Variants in ROBO2 observed in about 807,000 individuals in gnomAD.
The protein encoded by ROBO2 is roundabout guidance receptor 2.
A neutral mutation model predicts 160.8 loss-of-function variants in ROBO2; 53 were observed. The ratio of observed to expected loss-of-function variants is 0.33; its 90% CI spans 0.26 to 0.41. The LOEUF (loss-of-function observed/expected upper bound fraction) is 0.41. ROBO2 is among the 10% of genes least tolerant of loss of function. The probability of loss-of-function intolerance (pLI) is 1.00; values close to 1 mark genes in which losing one functional copy is unlikely to be tolerated. For missense variants in ROBO2, 1,577 were observed against 1,722.4 expected (o/e 0.92, Z 1.49); for synonymous variants, 664 against 611.7 (o/e 1.09, Z -1.26).
At chr3:75,942,947 A>G (rs575445721) in intron 2 of ROBO2, among the ~76,000 whole-genome samples, 1 of 152,286 alleles carries the variant, frequency 6.6e-6, no homozygotes, top group African/African-American at 2.4e-5. Context: ...CATGGGAGAT[A>G]GTAAGAGACG....
rs188135199 is a variant in ROBO2 at position 76,367,416 on chromosome 3, A to T, written c.109+429814A>T. On this transcript the variant is annotated intron_variant, in intron 2 of 26. Coordinates refer to the ROBO2 transcript ENST00000487694. ...TTCTTAATGGCTTTTCCCTAAAAGA[A>T]TTCATGTCAGCAGCAGGATGAGTCC... 2.6e-5 allele frequency among the ~76,000 whole-genome samples: 4 copies of T among 152,102 alleles called. No homozygotes were observed. The East Asian group carries it at 7.8e-4, about 30-fold the overall frequency.
intron 4 of ROBO2, among the ~76,000 whole-genome samples, chr3:77,486,293 C>G (rs149664446): frequency 6.6e-6 from 1 of 151,652 alleles, no homozygotes; most frequent in African/African-American, 2.4e-5. Flanking sequence ...GTATCTACCC[C>G]GTAATAGTAA....
intron 2 of ROBO2, among the ~76,000 whole-genome samples, chr3:77,192,971 T>C (rs983944775): frequency 6.6e-6 from 1 of 152,006 alleles, no homozygotes; most frequent in African/African-American, 2.4e-5. Flanking sequence ...CCATTTTTAA[T>C]ATATACTGTG....
At chr3:77,246,037 G>C (rs1378728861) in intron 2 of ROBO2, among the ~76,000 whole-genome samples, 1 of 152,138 alleles carries the variant, frequency 6.6e-6, no homozygotes, top group Non-Finnish European at 1.5e-5. Flanking sequence ...GAAGTAGATT[G>C]TTTAAATAAC....
At chr3:76,577,525 A>T (rs1032774362) in intron 2 of ROBO2, among the ~76,000 whole-genome samples, 1 of 152,124 alleles carries the variant, frequency 6.6e-6, no homozygotes, top group African/African-American at 2.4e-5. Context: ...TATTGTCTTT[A>T]ATTAACACTG....
chr3:76,784,792 C>T (rs578109550), intron 2 of ROBO2, among the ~76,000 whole-genome samples: 10 of 151,256 alleles, frequency 6.6e-5, no homozygotes, highest in African/African-American at 2.2e-4. Flanking sequence ...TCTGACCTTT[C>T]TTTTTGTTCC....
rs148758885 is a variant in ROBO2, at chr3:77,184,257, G to T, written c.388+85917G>T. Among the ~76,000 whole-genome samples the T allele has an allele frequency of 2.1e-3, 326 of 151,962 alleles. 3 individuals carry two copies. The highest frequency in any genetic ancestry group is 7.6e-3 in the African/African-American group (315 of 41,490). On this transcript the variant is annotated intron_variant, in intron 2 of 25. Transcript: ENST00000461745. ...AAATTCTGAGATTTGTGAAATACTG[G>T]GTCTTTTAAATCAAAAATGCAAAAC...
rs146801636 is a variant in ROBO2 at position 77,538,280 on chromosome 3, G to A, written c.935-8058G>A. On this transcript the variant is annotated intron_variant, in intron 6 of 25. Coordinates refer to ENST00000461745, the Ensembl canonical transcript of ROBO2. ...TGCAAGCTCCGCCTCCCGGGTTCAC[G>A]CCATTCTCCTGCCTCAGCCTCCCGA... is the stretch of plus-strand genomic sequence containing the variant. Among the ~76,000 whole-genome samples, 409 of 144,998 alleles carry A rather than the reference G, an allele frequency of 2.8e-3. 4 individuals are homozygous for A. The highest frequency in any genetic ancestry group is 0.028 in the East Asian group (128 of 4,650).
intron 2 of ROBO2, among the ~76,000 whole-genome samples, chr3:76,748,374 C>A (rs546424634): frequency 6.6e-6 from 1 of 151,418 alleles, no homozygotes; most frequent in Admixed American, 6.6e-5. Flanking sequence ...TATTACCAAG[C>A]CTAAAACTAA....
rs188399309 is a variant in ROBO2, at chr3:77,607,784, G to A, written c.3137-14G>A. On this transcript the variant is annotated splice_polypyrimidine_tract_variant and intron_variant, in intron 20 of 25. Transcript: ENST00000461745. ...CTATTTGGCATCTCTGAATAAATAC[G>A]TTATTACTTTCAGGTGGGAAAGGTG... 113 of 1,611,708 alleles carry A rather than the reference G, an allele frequency of 7.0e-5. No individual in the cohort carries two copies. The highest frequency in any genetic ancestry group is 1.7e-4 in the Middle Eastern group (1 of 6,054).
intron 1 of ROBO2, among the ~76,000 whole-genome samples, chr3:77,061,774 A>G (rs1263468308): frequency 1.3e-5 from 2 of 152,170 alleles, no homozygotes; most frequent in African/African-American, 2.4e-5. Context: ...TGTCTTTAAC[A>G]GGATTACTGA....
intron 2 of ROBO2, among the ~76,000 whole-genome samples, chr3:76,338,752 T>G (rs1176479595): frequency 6.7e-6 from 1 of 150,314 alleles, no homozygotes; most frequent in African/African-American, 2.4e-5. Flanking sequence ...TATAATTATT[T>G]TTATTAATCA....
chr3:76,971,232 T>C (rs989503238), intron 2 of ROBO2, among the ~76,000 whole-genome samples: 18 of 152,166 alleles, frequency 1.2e-4, no homozygotes, highest in Non-Finnish European at 2.5e-4. Context: ...TGCCCAGCAT[T>C]TTCCCTGGGA....
intron 2 of ROBO2, among the ~76,000 whole-genome samples, chr3:77,450,314 A>G (rs551767180): frequency 3.1e-4 from 47 of 152,258 alleles, no homozygotes; most frequent in African/African-American, 1.1e-3. Context: ...GTTTTCTAGT[A>G]AGGGAAGTGA....
intron 2 of ROBO2, among the ~76,000 whole-genome samples, chr3:77,171,817 C>T (rs1300987634): frequency 2.0e-5 from 3 of 152,074 alleles, no homozygotes; most frequent in African/African-American, 4.8e-5. Context: ...TCCATTGCTT[C>T]GGAATTTCAA....
chr3:77,533,678 G>C (rs1013052113), intron 6 of ROBO2, among the ~76,000 whole-genome samples: 3 of 152,136 alleles, frequency 2.0e-5, no homozygotes, highest in Non-Finnish European at 4.4e-5. Context: ...GCTTTGCTTT[G>C]TAGCTCTCCG....
At chr3:76,717,290 A>G (rs1037887882) in intron 2 of ROBO2, among the ~76,000 whole-genome samples, 2 of 151,934 alleles carry the variant, frequency 1.3e-5, no homozygotes, top group African/African-American at 4.8e-5. Context: ...TCAGGAGTTC[A>G]AGACCAGACT....
intron 2 of ROBO2, among the ~76,000 whole-genome samples, chr3:77,310,861 A>T (rs553570743): frequency 9.2e-5 from 14 of 152,078 alleles, no homozygotes; most frequent in African/African-American, 2.9e-4. Context: ...GTGAAAAAAA[A>T]AAAATAAAAG....
At chr3:76,083,312 G>A (rs552666067) in intron 2 of ROBO2, among the ~76,000 whole-genome samples, 2 of 152,174 alleles carry the variant, frequency 1.3e-5, no homozygotes, top group African/African-American at 4.8e-5. Flanking sequence ...ATACTGCAAA[G>A]TTTAGAGCAT....
Sources: gnomAD v4.1 joint callset for allele counts (sites outside exome capture counted in the v4.1 genomes callset) on GRCh38, gnomAD v4.1.1 for gene constraint, MANE v1.5 for transcripts, NCBI Gene and HGNC (gene_info 2026-07-23, HGNC 2026-07-21) for gene names.